The following TNFAIP8 variants were observed in gnomAD, a reference collection of about 807,000 sequenced individuals.
TNFAIP8 encodes the protein TNF alpha induced protein 8, also known as tumor necrosis factor alpha-induced protein 8.
In TNFAIP8, 7 loss-of-function variants were observed where a neutral mutation model predicts 13.3. The ratio of observed to expected loss-of-function variants is 0.52; its 90% confidence interval spans 0.30 to 0.99. The LOEUF is 0.99. Ranked by LOEUF, TNFAIP8 falls within the 50% of genes least tolerant of loss-of-function variation. TNFAIP8 has a pLI of 0.07. For synonymous variants in TNFAIP8, 94 were observed against 87.6 expected (o/e 1.07, Z -0.41); for missense variants, 258 against 236.9 (o/e 1.09, Z -0.58).
At chr5:119,274,984 C>T (rs547756818) in intron 1 of TNFAIP8, among the ~76,000 whole-genome samples, 4 of 150,886 alleles carry the variant, frequency 2.7e-5, no homozygotes, top group Non-Finnish European at 5.9e-5. Context: ...CTTATTCAGG[C>T]AGCAGCTAGC....
intron 1 of TNFAIP8, among the ~76,000 whole-genome samples, chr5:119,278,484 G>A (rs1423701293): frequency 5.3e-5 from 8 of 151,480 alleles, no homozygotes; most frequent in East Asian, 1.9e-4. Flanking sequence ...CTTTTCATCC[G>A]GGAGTAAAAT....
chr5:119,373,551 T>G (rs1318185660), intron 1 of TNFAIP8, among the ~76,000 whole-genome samples: 3 of 152,150 alleles, frequency 2.0e-5, no homozygotes, highest in Non-Finnish European at 2.9e-5. Flanking sequence ...GGAGTTAACA[T>G]GCATACAAGA....
At chr5:119,290,128 T>A (rs1314531521) in intron 1 of TNFAIP8, among the ~76,000 whole-genome samples, 1 of 152,208 alleles carries the variant, frequency 6.6e-6, no homozygotes, top group Admixed American at 6.5e-5. Flanking sequence ...ACAGAAATAA[T>A]TGGAATGCAA....
intron 1 of TNFAIP8, among the ~76,000 whole-genome samples, chr5:119,381,744 C>G (rs1452024915): frequency 6.6e-6 from 1 of 151,822 alleles, no homozygotes; most frequent in Non-Finnish European, 1.5e-5. Flanking sequence ...GACAGAGTGG[C>G]CAATATGGTG....
chr5:119,320,516 C>T (rs1750023065), intron 1 of TNFAIP8, among the ~76,000 whole-genome samples: 1 of 152,146 alleles, frequency 6.6e-6, no homozygotes, highest in Admixed American at 6.5e-5. Context: ...ACAATCTCCC[C>T]TTCCTGCTGC....
At chr5:119,282,386 T>A (rs921906512) in intron 1 of TNFAIP8, among the ~76,000 whole-genome samples, 3 of 152,242 alleles carry the variant, frequency 2.0e-5, no homozygotes, top group Non-Finnish European at 4.4e-5. Context: ...CCCATCCCTT[T>A]GCCTCTTTTC....
chr5:119,330,974 A>G (rs545234022), intron 1 of TNFAIP8, among the ~76,000 whole-genome samples: 13 of 152,210 alleles, frequency 8.5e-5, no homozygotes, highest in South Asian at 2.1e-4. Context: ...CCAAGAGCCA[A>G]CTATATTCCT....
intron 1 of TNFAIP8, among the ~76,000 whole-genome samples, chr5:119,275,019 T>TA (rs942280274): frequency 5.3e-5 from 8 of 151,690 alleles, no homozygotes; most frequent in African/African-American, 1.9e-4. Flanking sequence ...TTTAATTTTT[T>TA]TTTTTTTTTT....
intron 1 of TNFAIP8, among the ~76,000 whole-genome samples, chr5:119,363,658 C>T (rs1385781778): frequency 1.3e-5 from 2 of 152,150 alleles, no homozygotes; most frequent in Non-Finnish European, 2.9e-5. Flanking sequence ...TTGCTGACAC[C>T]GAATGTGAGA....
chr5:119,360,071 CT>C (rs1468517801), intron 1 of TNFAIP8, among the ~76,000 whole-genome samples: 1 of 152,168 alleles, frequency 6.6e-6, no homozygotes, highest in Non-Finnish European at 1.5e-5. Flanking sequence ...GCATTTGGAG[CT>C]TTTTTCCCCT....
chr5:119,324,867 G>A (rs1412179078), intron 1 of TNFAIP8, among the ~76,000 whole-genome samples: 2 of 151,710 alleles, frequency 1.3e-5, no homozygotes, highest in Admixed American at 1.3e-4. Flanking sequence ...TAATTTCTTT[G>A]CTTTTATATA....
chr5:119,328,913 A>G (rs1750297911), intron 1 of TNFAIP8, among the ~76,000 whole-genome samples: 1 of 152,276 alleles, frequency 6.6e-6, no homozygotes. Flanking sequence ...TCAGTAGAGA[A>G]TAAACCACAT....
chr5:119,276,859 G>A (rs926196262), intron 1 of TNFAIP8, among the ~76,000 whole-genome samples: 1 of 152,112 alleles, frequency 6.6e-6, no homozygotes, highest in South Asian at 2.1e-4. Context: ...CTTTATAAAG[G>A]ATATTAGTTG....
At chr5:119,270,869 C>A (rs575233862) in intron 1 of TNFAIP8, among the ~76,000 whole-genome samples, 2 of 152,106 alleles carry the variant, frequency 1.3e-5, no homozygotes, top group African/African-American at 4.8e-5. Context: ...AAGGTTCTAC[C>A]AAAAGCATAG....
At chr5:119,360,176 AT>A (rs1581643443) in intron 1 of TNFAIP8, among the ~76,000 whole-genome samples, 1 of 152,322 alleles carries the variant, frequency 6.6e-6, no homozygotes, top group East Asian at 1.9e-4. Flanking sequence ...GGATGATTAA[AT>A]TTCCTGCTCC....
chr5:119,372,338 AAG>A (rs1554182137), intron 1 of TNFAIP8, among the ~76,000 whole-genome samples: 3 of 150,926 alleles, frequency 2.0e-5, no homozygotes, highest in South Asian at 2.1e-4. Flanking sequence ...AAAAAAAAAA[AAG>A]AATACTAGAA....
At chr5:119,359,746 T>A (rs961672478) in intron 1 of TNFAIP8, among the ~76,000 whole-genome samples, 3 of 152,192 alleles carry the variant, frequency 2.0e-5, no homozygotes, top group African/African-American at 7.2e-5. Flanking sequence ...TTCCTGCCCT[T>A]CCCCAGCCTT....
At position 119,393,150 on chromosome 5, in the gene TNFAIP8, C is replaced by G; in HGVS notation, c.366C>G (p.Thr122=). ...TCAGTTTCCATCAGGTGGATTATAC[C>G]TTTGACCGGAATGTGTTATCCAGGC... ...TVVSFHQVDY[T]FDRNVLSRLL... Residue 122 remains threonine (T), a synonymous_variant, in exon 2 of 2, where the codon ACC becomes ACG. Transcript: ENST00000504771. 1.2e-6 allele frequency: 2 copies of G among 1,613,952 alleles called. No individual in the cohort carries two copies. The highest frequency in any genetic ancestry group is 1.7e-6 in the Non-Finnish European group (2 of 1,179,880).
intron 1 of TNFAIP8, among the ~76,000 whole-genome samples, chr5:119,348,903 A>G (rs2112749525): frequency 6.7e-6 from 1 of 150,020 alleles, no homozygotes; most frequent in Admixed American, 6.6e-5. Context: ...AAAAAAAAAA[A>G]AAAAGAATAG....
Sources: allele counts gnomAD v4.1 joint callset (sites outside exome capture counted in the v4.1 genomes callset), GRCh38; gene constraint gnomAD v4.1.1; transcripts MANE v1.5; gene names NCBI Gene and HGNC (gene_info 2026-07-23, HGNC 2026-07-21).